Variants in IFNE observed in about 807,000 individuals in gnomAD.
IFNE encodes the protein IFN-epsilon.
For synonymous variants in IFNE, 94 were observed against 87.4 expected (o/e 1.08, Z -0.42); for missense variants, 276 against 232.4 (o/e 1.19, Z -1.22).
In IFNE at chr9:21,481,703, T is replaced by A; in HGVS notation, c.-9A>T. On this transcript the variant is annotated 5_prime_UTR_variant, in exon 1 of 1. Coordinates refer to ENST00000448696, the MANE Select transcript of IFNE (RefSeq NM_176891.5). ...AAGTGCTTGATAATCATGGTGAAGG[T>A]CAAATATGCTACTTATCCCTGCATA... 1 of 1,602,472 alleles carries A rather than the reference T, an allele frequency of 6.2e-7. No homozygotes were observed. The highest frequency in any genetic ancestry group is 8.5e-7 in the Non-Finnish European group (1 of 1,174,566).
chr9:21,481,384 T>C lies in IFNE; in HGVS notation c.311A>G (p.Asn104Ser). The change falls in exon 1 of 1, where the codon AAC (asparagine) becomes AGC (serine). Residue 104 changes from asparagine to serine, a missense_variant. Physicochemically the swap from Asn to Ser is conservative, Grantham distance 46 (BLOSUM62 1). Coordinates refer to ENST00000448696, the MANE Select transcript of IFNE (RefSeq NM_176891.5). ...ANISLDGWEE[N>S]HTEKFLIQLH... ...TTGAATGAGGAATTTCTCCGTGTGG[T>C]TTTCCTCCCAACCATCCAGAGAAAT... 6 of 1,614,114 alleles carry C rather than the reference T, an allele frequency of 3.7e-6. No homozygotes were observed. Among genetic ancestry groups the C allele is most frequent in the Non-Finnish European group, 4.2e-6 (5 of 1,179,976 alleles).
At position 21,481,094 on chromosome 9, in the gene IFNE, T is replaced by C; in HGVS notation, c.601A>G (p.Thr201Ala). The C allele has an allele frequency of 6.2e-7, 1 of 1,612,392 alleles. No individual in the cohort carries two copies. The highest frequency in any genetic ancestry group is 8.5e-7 in the Non-Finnish European group (1 of 1,179,292). ...RPLNDMKQEL[T>A]TEFRSPR ...TACCTCGGGCTTCTAAACTCTGTAG[T>C]AAGCTCTTGCTTCATGTCGTTCAAG... The change falls in exon 1 of 1, where the codon ACT becomes GCT. Residue 201 changes from threonine to alanine, a missense_variant. Transcript: ENST00000448696.
Position 21,481,112 on chromosome 9 carries a change from C to T in IFNE, c.583G>A (p.Asp195Asn), listed in dbSNP as rs377000588. 40 of 1,613,190 alleles carry T rather than the reference C, an allele frequency of 2.5e-5. No homozygotes were observed. In the Admixed American group the frequency reaches 2.5e-4, roughly 10 times the overall value. Residue 195 changes from aspartate to asparagine, a missense_variant, in exon 1 of 1, where the codon GAC becomes AAC. Coordinates refer to ENST00000448696, the MANE Select transcript of IFNE (RefSeq NM_176891.5). ...TCTGTAGTAAGCTCTTGCTTCATGTCGTTCAAGGGTCTTCCTTGTTTGCTC... is the reference window on the plus strand; with the variant it reads ...TCTGTAGTAAGCTCTTGCTTCATGTTGTTCAAGGGTCTTCCTTGTTTGCTC... ...KLSKQGRPLN[D>N]MKQELTTEFR...
At position 21,481,720 on chromosome 9, in the gene IFNE, C is replaced by G; in HGVS notation, c.-26G>C. The G allele has an allele frequency of 6.3e-7, 1 of 1,584,594 alleles. No homozygotes were observed. The stretch of plus-strand genomic sequence containing the variant: ...GGTGAAGGTCAAATATGCTACTTAT[C>G]CCTGCATAGACTTAGGGAAATTCCA... On this transcript the variant is annotated 5_prime_UTR_variant, in exon 1 of 1. Transcript: ENST00000448696.
chr9:21,481,179 G>C lies in IFNE; in HGVS notation c.516C>G (p.Ile172Met). 6.2e-7 allele frequency: 1 copy of C among 1,614,134 alleles called. No homozygotes were observed. Among genetic ancestry groups the C allele is most frequent in the East Asian group, 2.2e-5 (1 of 44,888 alleles). ...TGAACACAAAGAACAGACATCGGCT[G>C]ATTTCTACTTGGACAATGGCCCAGG... ...TCAWAIVQVE[I>M]SRCLFFVFSL... is the part of the protein sequence containing the mutation. The change falls in exon 1 of 1, where the codon ATC becomes ATG. Residue 172 changes from isoleucine to methionine, a missense_variant. Transcript: ENST00000448696.
chr9:21,481,340 A>T lies in IFNE; in HGVS notation c.355T>A (p.Tyr119Asn). ...FLIQLHQQLE[Y>N]LEALMGLEAE... is the part of the protein sequence containing the mutation. ...TCCAGTCCCATGAGTGCTTCTAGGT[A>T]TTCTAGCTGTTGATGAAGTTGAATG... Residue 119 changes from tyrosine to asparagine, a missense_variant, in exon 1 of 1, where the codon TAC becomes AAC. Tyr to Asn is a moderately radical substitution (Grantham distance 143, BLOSUM62 -2). Transcript: ENST00000448696. The T allele has an allele frequency of 6.2e-7, 1 of 1,614,162 alleles. No individual in the cohort carries two copies. The highest frequency in any genetic ancestry group is 1.1e-5 in the South Asian group (1 of 91,070).
At position 21,481,215 on chromosome 9, in the gene IFNE, G is replaced by A; in HGVS notation, c.480C>T (p.Tyr160=). The change falls in exon 1 of 1, where the codon TAC becomes TAT. Residue 160 remains tyrosine (Y), a synonymous_variant. Coordinates refer to ENST00000448696, the MANE Select transcript of IFNE (RefSeq NM_176891.5). The stretch of plus-strand genomic sequence containing the variant: ...GGACAATGGCCCAGGCACAGGTGCT[G>A]TAGTCCTGGTTTTCCAGGTAATCAT... The part of the protein sequence containing the change: ...RIHDYLENQD[Y]STCAWAIVQV... 6.2e-7 allele frequency: 1 copy of A among 1,614,140 alleles called. No homozygotes were observed.
In IFNE at chr9:21,481,068, C is replaced by T. The variant is rs1276216688; in HGVS notation, c.627G>A (p.Ter209=). 2.5e-6 allele frequency: 4 copies of T among 1,596,202 alleles called. No individual in the cohort carries two copies. Among genetic ancestry groups the T allele is most frequent in the Non-Finnish European group, 3.4e-6 (4 of 1,172,470 alleles). ...ELTTEFRSPR[*] is the part of the protein sequence containing the mutation. Reference sequence around the variant, plus strand: ...TGGAGAAGTCCTCTAGTCCCTCCACCTACCTCGGGCTTCTAAACTCTGTAG... The same window carrying T: ...TGGAGAAGTCCTCTAGTCCCTCCACTTACCTCGGGCTTCTAAACTCTGTAG... The change falls in exon 1 of 1, where the codon TAG becomes TAA. Residue 209 remains the stop codon, a stop_retained_variant. Transcript: ENST00000448696.
In IFNE at chr9:21,481,003, G is replaced by A. The variant is rs1819023997; in HGVS notation, c.*65C>T. 2 of 1,231,924 alleles carry A rather than the reference G, an allele frequency of 1.6e-6. No individual in the cohort carries two copies. Among genetic ancestry groups the A allele is most frequent in the South Asian group, 3.0e-5 (2 of 67,230 alleles). 76.3% of individuals were successfully genotyped at this position (1,231,924 alleles called of 1,614,324 possible). On this transcript the variant is annotated 3_prime_UTR_variant, in exon 1 of 1. Transcript: ENST00000448696. The stretch of plus-strand genomic sequence containing the variant: ...TACACAAAATCAAAGCAATGTGATT[G>A]TACTATAAATTGTATTACCACTCTA...
Position 21,481,452 on chromosome 9 carries a change from G to A in IFNE, c.243C>T (p.Leu81=), listed in dbSNP as rs773818878. 5 of 1,614,024 alleles carry A rather than the reference G, an allele frequency of 3.1e-6. No homozygotes were observed. Among genetic ancestry groups the A allele is most frequent in the African/African-American group, 2.7e-5 (2 of 74,920 alleles). The change falls in exon 1 of 1, where the codon CTC becomes CTT. Residue 81 remains leucine, a synonymous_variant. Coordinates refer to ENST00000448696, the MANE Select transcript of IFNE (RefSeq NM_176891.5). Reference sequence around the variant, plus strand: ...TGAAGATCTGCTGAAGCATCTCATGGAGAATGGCCAGAGTGTGTCCTTTTT... The same window carrying A: ...TGAAGATCTGCTGAAGCATCTCATGAAGAATGGCCAGAGTGTGTCCTTTTT... ...QYQKGHTLAI[L]HEMLQQIFSL...
Position 21,481,490 on chromosome 9 carries a change from G to T in IFNE, c.205C>A (p.Pro69Thr), listed in dbSNP as rs200946496. 1.0e-4 allele frequency: 168 copies of T among 1,614,062 alleles called. No homozygotes were observed. In the African/African-American group the frequency reaches 1.9e-3, roughly 18 times the overall value. ...GTGTGTCCTTTTTGGTACTGCTGAG[G>T]ACTCAAAGACTTCTGAGGAAGCAGA... The part of the protein sequence containing the change: ...NFLLPQKSLS[P>T]QQYQKGHTLA... Residue 69 changes from proline (P) to threonine (T), a missense_variant, in exon 1 of 1, where the codon CCT becomes ACT. Physicochemically the swap from Pro to Thr is conservative, Grantham distance 38 (BLOSUM62 -1). Transcript: ENST00000448696.
chr9:21,481,002 T>A lies in IFNE; in HGVS notation c.*66A>T. The stretch of plus-strand genomic sequence containing the variant: ...ATACACAAAATCAAAGCAATGTGAT[T>A]GTACTATAAATTGTATTACCACTCT... On this transcript the variant is annotated 3_prime_UTR_variant, in exon 1 of 1. Coordinates refer to ENST00000448696, the MANE Select transcript of IFNE (RefSeq NM_176891.5). 8.1e-7 allele frequency: 1 copy of A among 1,229,570 alleles called. No individual in the cohort carries two copies. Among genetic ancestry groups the A allele is most frequent in the Non-Finnish European group, 1.1e-6 (1 of 876,148 alleles). 76.2% of individuals were successfully genotyped at this position (1,229,570 alleles called of 1,614,324 possible).
At position 21,481,201 on chromosome 9, in the gene IFNE, C is replaced by G; in HGVS notation, c.494G>C (p.Trp165Ser). 1 of 1,614,148 alleles carries G rather than the reference C, an allele frequency of 6.2e-7. No individual in the cohort carries two copies. The highest frequency in any genetic ancestry group is 8.5e-7 in the Non-Finnish European group (1 of 1,180,008). Residue 165 changes from tryptophan (W) to serine (S), a missense_variant, in exon 1 of 1, where the codon TGG becomes TCG. By Grantham distance (177) the Trp-to-Ser change is radical. Transcript: ENST00000448696. The stretch of plus-strand genomic sequence containing the variant: ...GCTGATTTCTACTTGGACAATGGCC[C>G]AGGCACAGGTGCTGTAGTCCTGGTT... ...LENQDYSTCA[W>S]AIVQVEISRC...
Position 21,481,104 on chromosome 9 carries a change from C to T in IFNE, c.591G>A (p.Lys197=). 2 of 1,613,320 alleles carry T rather than the reference C, an allele frequency of 1.2e-6. No individual in the cohort carries two copies. Among genetic ancestry groups the T allele is most frequent in the Non-Finnish European group, 1.7e-6 (2 of 1,179,606 alleles). ...SKQGRPLNDM[K]QELTTEFRSP... ...TTCTAAACTCTGTAGTAAGCTCTTG[C>T]TTCATGTCGTTCAAGGGTCTTCCTT... The change falls in exon 1 of 1, where the codon AAG becomes AAA. Residue 197 remains lysine (K), a synonymous_variant. Transcript: ENST00000448696.
Position 21,481,054 on chromosome 9 carries a change from T to C in IFNE, c.*14A>G. On this transcript the variant is annotated 3_prime_UTR_variant, in exon 1 of 1. Transcript: ENST00000448696. ...TGAAGAATCATGTCTGGAGAAGTCC[T>C]CTAGTCCCTCCACCTACCTCGGGCT... The C allele has an allele frequency of 6.3e-7, 1 of 1,582,774 alleles. No individual in the cohort carries two copies.
At position 21,480,880 on chromosome 9, in the gene IFNE, A is replaced by G. The variant is rs1819020795; in HGVS notation, c.*188T>C. 1 of 481,526 alleles carries G rather than the reference A, an allele frequency of 2.1e-6. No homozygotes were observed. Among genetic ancestry groups the G allele is most frequent in the Non-Finnish European group, 3.6e-6 (1 of 278,950 alleles). The allele number at this position is 481,526 out of a possible 1,614,324, so 29.8% of individuals were successfully genotyped here. ...TATTAATGAATTTATTTTGACATACAAACAATTTAAAATGGATAGAATATA... is the reference window on the plus strand; with the variant it reads ...TATTAATGAATTTATTTTGACATACGAACAATTTAAAATGGATAGAATATA... On this transcript the variant is annotated 3_prime_UTR_variant, in exon 1 of 1. Transcript: ENST00000448696.
In IFNE at chr9:21,481,320, T is replaced by C. The variant is rs763254772; in HGVS notation, c.375A>G (p.Gly125=). 1 of 1,614,056 alleles carries C rather than the reference T, an allele frequency of 6.2e-7. No homozygotes were observed. Among genetic ancestry groups the C allele is most frequent in the African/African-American group, 1.3e-5 (1 of 74,944 alleles). ...TACCACTTAGCTTCTCTGCTTCCAG[T>C]CCCATGAGTGCTTCTAGGTATTCTA... The part of the protein sequence containing the change: ...QQLEYLEALM[G]LEAEKLSGTL... The change falls in exon 1 of 1, where the codon GGA becomes GGG. Residue 125 remains glycine (G), a synonymous_variant. Coordinates refer to ENST00000448696, the MANE Select transcript of IFNE (RefSeq NM_176891.5).
At position 21,481,331 on chromosome 9, in the gene IFNE, C is replaced by A. The variant is rs372544503; in HGVS notation, c.364G>T (p.Ala122Ser). The change falls in exon 1 of 1, where the codon GCA (alanine) becomes TCA (serine). Residue 122 changes from alanine to serine, a missense_variant. Ala to Ser is a moderately conservative substitution (Grantham distance 99). Transcript: ENST00000448696. ...QLHQQLEYLEALMGLEAEKLS... is the reference protein window; with the variant it reads ...QLHQQLEYLESLMGLEAEKLS... ...TTCTCTGCTTCCAGTCCCATGAGTG[C>A]TTCTAGGTATTCTAGCTGTTGATGA... The A allele has an allele frequency of 2.6e-5, 42 of 1,614,052 alleles. No homozygotes were observed. The highest frequency in any genetic ancestry group is 3.4e-5 in the Non-Finnish European group (40 of 1,180,016).
chr9:21,481,113 G>C lies in IFNE; in HGVS notation c.582C>G (p.Asn194Lys). The C allele has an allele frequency of 6.2e-7, 1 of 1,613,828 alleles. No homozygotes were observed. Reference protein sequence around the residue: ...EKLSKQGRPLNDMKQELTTEF... With the variant: ...EKLSKQGRPLKDMKQELTTEF... ...CTGTAGTAAGCTCTTGCTTCATGTC[G>C]TTCAAGGGTCTTCCTTGTTTGCTCA... The change falls in exon 1 of 1, where the codon AAC becomes AAG. Residue 194 changes from asparagine to lysine, a missense_variant. By Grantham distance (94) the Asn-to-Lys change is moderately conservative (BLOSUM62 0). Transcript: ENST00000448696.
Sources: gnomAD v4.1 joint callset for allele counts on GRCh38, gnomAD v4.1.1 for gene constraint, MANE v1.5 for transcripts, NCBI Gene and HGNC (gene_info 2026-07-23, HGNC 2026-07-21) for gene names.